SMAGP: variants seen among roughly 807,000 people sequenced by gnomAD.
The protein encoded by SMAGP is small cell adhesion glycoprotein.
In SMAGP, 7 loss-of-function variants were observed where a neutral mutation model predicts 10.1. That is an observed-to-expected ratio of 0.70 (90% CI 0.40 to 1.31). The LOEUF is 1.31. Ranked by LOEUF, SMAGP falls within the 50% of genes most tolerant of loss-of-function variation. SMAGP has a pLI of 0.01. For missense variants in SMAGP, 113 were observed against 116.5 expected (o/e 0.97, Z 0.14); for synonymous variants, 49 against 47.2 (o/e 1.04, Z -0.16).
chr12:51,246,799 TG>T lies in SMAGP; in HGVS notation c.66del (p.Thr23LeufsTer30). The T allele has an allele frequency of 6.3e-7, 1 of 1,582,342 alleles. No individual in the cohort carries two copies. The highest frequency in any genetic ancestry group is 8.6e-7 in the Non-Finnish European group (1 of 1,164,330). On this transcript the variant is annotated frameshift_variant, in exon 3 of 4. Transcript: ENST00000603798. LOFTEE classifies it high-confidence loss of function. ...CCATCTTCTGGGGACAGGGCCTCAG[TG>T]GGCTGTAAAATTGGGGTGGTCATCA... ...EELMTTPILQ[P>X]TEALSPEDGA...
At chr12:51,266,007 A>G (rs1474418545) in intron 2 of SMAGP, among the ~76,000 whole-genome samples, 2 of 151,238 alleles carry the variant, frequency 1.3e-5, no homozygotes, top group African/African-American at 2.4e-5. Flanking sequence ...GCGTGAACCC[A>G]TGAGGCGGAG....
At chr12:51,247,240 G>C (rs1019777438) in intron 2 of SMAGP, among the ~76,000 whole-genome samples, 2 of 58,438 alleles carry the variant, frequency 3.4e-5, no homozygotes, top group African/African-American at 6.6e-5. Context: ...TATTAGGAAT[G>C]CATATTTTTA....
At position 51,245,335 on chromosome 12, in the gene SMAGP, G is replaced by A. The variant is rs769948728; in HGVS notation, c.*606C>T. On this transcript the variant is annotated 3_prime_UTR_variant, in exon 4 of 4. Coordinates refer to ENST00000603798, the MANE Select transcript of SMAGP (RefSeq NM_001031628.2). ...ATAAGTCAAAATGTAGTTACTTCTT[G>A]CACATGAGAATCTGATTTCTGTAGC... The A allele has an allele frequency of 3.3e-5, 5 of 152,646 alleles. No individual in the cohort carries two copies. Among genetic ancestry groups the A allele is most frequent in the African/African-American group, 1.2e-4 (5 of 41,456 alleles). The allele number at this position is 152,646 out of a possible 1,614,324, so 9.5% of individuals were successfully genotyped here. A position where few individuals can be genotyped will look rare whatever the true frequency, so the allele number is the denominator to read the frequency against.
intron 1 of SMAGP, 69 bp from the exon 2 acceptor site, chr12:51,269,385 C>A: frequency 7.7e-7 from 1 of 1,292,192 alleles, no homozygotes; most frequent in Non-Finnish European, 1.1e-6. Context: ...CTGGAAGTCC[C>A]AGGAAAGCCT....
At position 51,264,356 on chromosome 12, in the gene SMAGP, G is replaced by A. The variant is rs575632430; in HGVS notation, c.34+4889C>T. Among the ~76,000 whole-genome samples, 92 of 152,358 alleles carry A rather than the reference G, an allele frequency of 6.0e-4. 1 individual carries two copies. The highest frequency in any genetic ancestry group is 1.2e-3 in the Non-Finnish European group (82 of 68,034). On this transcript the variant is annotated intron_variant, in intron 2 of 3. Coordinates refer to ENST00000603798, the MANE Select transcript of SMAGP (RefSeq NM_001031628.2). ...ACTCGCTGGATCAAGAATGCAGCCA[G>A]GTGAGGTGGCTTGCGCCTATAATCT... is the stretch of plus-strand genomic sequence containing the variant.
chr12:51,245,935 G>A lies in SMAGP; in HGVS notation c.*6C>T. 6 of 1,611,484 alleles carry A rather than the reference G, an allele frequency of 3.7e-6. No individual in the cohort carries two copies. The highest frequency in any genetic ancestry group is 5.1e-6 in the Non-Finnish European group (6 of 1,178,314). On this transcript the variant is annotated 3_prime_UTR_variant, in exon 4 of 4. Coordinates refer to ENST00000603798, the MANE Select transcript of SMAGP (RefSeq NM_001031628.2). The stretch of plus-strand genomic sequence containing the variant: ...CAGGAATAAGCTCCTTGGGGCCTGG[G>A]AGTCATTAGATGAAATATTCCTCTT...
intron 2 of SMAGP, among the ~76,000 whole-genome samples, chr12:51,264,234 G>A (rs1457043483): frequency 6.6e-6 from 1 of 152,176 alleles, no homozygotes; most frequent in Non-Finnish European, 1.5e-5. Context: ...CTTCCTATCT[G>A]TGATTTCTAT....
chr12:51,250,785 CTCCTCTGGTA>C (rs1481423034), intron 2 of SMAGP, among the ~76,000 whole-genome samples: 3 of 152,124 alleles, frequency 2.0e-5, no homozygotes, highest in Non-Finnish European at 4.4e-5. Context: ...GAGCATGCCT[CTCCTCTGGTA>C]TATGGGTTGA....
Position 51,245,894 on chromosome 12 carries a change from G to A in SMAGP, c.*47C>T, listed in dbSNP as rs370535947. On this transcript the variant is annotated 3_prime_UTR_variant, in exon 4 of 4. Transcript: ENST00000603798. ...AACTTTCCCATAATAAGCAGTCAACGTGTTAGCGATGGAGCCAGGAATAAG... is the reference window on the plus strand; with the variant it reads ...AACTTTCCCATAATAAGCAGTCAACATGTTAGCGATGGAGCCAGGAATAAG... 1.6e-5 allele frequency: 25 copies of A among 1,577,892 alleles called. No individual in the cohort carries two copies. Among genetic ancestry groups the A allele is most frequent in the East Asian group, 4.5e-5 (2 of 44,376 alleles).
At chr12:51,258,169 T>A (rs1039021524) in intron 2 of SMAGP, among the ~76,000 whole-genome samples, 26 of 151,860 alleles carry the variant, frequency 1.7e-4, no homozygotes, top group Admixed American at 1.6e-3. Context: ...TCTCAAAAAA[T>A]AAATTAATTA....
intron 3 of SMAGP, 104 bp downstream of exon 3, chr12:51,246,647 C>T (rs1592230512): frequency 6.9e-6 from 3 of 435,674 alleles, no homozygotes; most frequent in East Asian, 1.1e-4. Context: ...TGTAATATAA[C>T]TTACAAGCCA....
intron 2 of SMAGP, among the ~76,000 whole-genome samples, chr12:51,256,521 A>G (rs1944885403): frequency 1.3e-5 from 2 of 152,196 alleles, no homozygotes; most frequent in African/African-American, 4.8e-5. Context: ...CAGCAGTTCA[A>G]GACCAGCCTG....
intron 2 of SMAGP, among the ~76,000 whole-genome samples, chr12:51,260,284 G>A (rs1402625409): frequency 3.5e-5 from 5 of 144,578 alleles, no homozygotes; most frequent in Admixed American, 7.3e-5. Context: ...TCCGCCTCCC[G>A]GGTTCAAGCG....
chr12:51,252,168 A>G (rs548010591), intron 2 of SMAGP, among the ~76,000 whole-genome samples: 1 of 150,796 alleles, frequency 6.6e-6, no homozygotes, highest in East Asian at 2.0e-4. Context: ...ATGTTGGCTC[A>G]CTGCAACCTC....
Position 51,269,303 on chromosome 12 carries a change from G to C in SMAGP, c.-25C>G. 1 of 1,613,848 alleles carries C rather than the reference G, an allele frequency of 6.2e-7. No individual in the cohort carries two copies. The highest frequency in any genetic ancestry group is 8.5e-7 in the Non-Finnish European group (1 of 1,179,762). The stretch of plus-strand genomic sequence containing the variant: ...TTGTCACTAGTGGTTGAGTTTCTTG[G>C]AGAAGAGGCAGATCTGTAGGAAGAG... On this transcript the variant is annotated 5_prime_UTR_variant, in exon 2 of 4. Transcript: ENST00000603798.
chr12:51,261,092 A>AT (rs34540958), intron 2 of SMAGP, among the ~76,000 whole-genome samples: 1,979 of 110,794 alleles, frequency 0.018, 76 homozygotes, highest in African/African-American at 0.059. Flanking sequence ...CCCAGCCTTA[A>AT]TTTTTTTTTT....
chr12:51,259,586 G>A (rs780316495), intron 2 of SMAGP, among the ~76,000 whole-genome samples: 1 of 150,144 alleles, frequency 6.7e-6, no homozygotes, highest in East Asian at 1.9e-4. Context: ...GGGAAGCTAT[G>A]GCTTAGCAAC....
intron 2 of SMAGP, among the ~76,000 whole-genome samples, chr12:51,267,482 G>A (rs913715139): frequency 4.3e-5 from 2 of 46,644 alleles, no homozygotes; most frequent in African/African-American, 1.6e-4. Context: ...CCCCCACTCC[G>A]TGTCCCCCTA....
intron 2 of SMAGP, among the ~76,000 whole-genome samples, chr12:51,266,363 T>C (rs892780935): frequency 2.0e-5 from 3 of 151,932 alleles, no homozygotes; most frequent in African/African-American, 7.3e-5. Context: ...AAGTAACCCT[T>C]ATTTTACATG....
Sources: allele counts gnomAD v4.1 joint callset (sites outside exome capture counted in the v4.1 genomes callset), GRCh38; gene constraint gnomAD v4.1.1; transcripts MANE v1.5; gene names NCBI Gene and HGNC (gene_info 2026-07-23, HGNC 2026-07-21).